Variants in ZP1 observed in about 807,000 individuals in gnomAD.
The protein encoded by ZP1 is zona pellucida glycoprotein 1.
A neutral mutation model predicts 67.4 loss-of-function variants in ZP1; 58 were observed. The ratio of observed to expected loss-of-function variants is 0.86; its 90% confidence interval spans 0.70 to 1.07. The LOEUF (loss-of-function observed/expected upper bound fraction) is 1.07. Ranked by LOEUF, ZP1 falls within the 50% of genes least tolerant of loss-of-function variation. ZP1 has a pLI of 0.00. For synonymous variants in ZP1, 333 were observed against 332.7 expected (o/e 1.00, Z -0.01); for missense variants, 759 against 807.3 (o/e 0.94, Z 0.72).
rs527386967 is a variant in ZP1, at chr11:60,868,471, C to A, written c.197-674C>A. ...TTAGAACTGGGGTTTGGATCTGCAG[C>A]TTCTAAACGGGATGATTTTGGACAA... On this transcript the variant is annotated intron_variant, in intron 1 of 11. Transcript: ENST00000278853. 2.6e-5 allele frequency among the ~76,000 whole-genome samples: 4 copies of A among 152,322 alleles called. No homozygotes were observed. In the South Asian group the frequency reaches 8.3e-4, roughly 32 times the overall value.
chr11:60,875,472 G>A, intron 11 of ZP1, 42 bp from the exon 12 acceptor site: 1 of 1,608,696 alleles, frequency 6.2e-7, no homozygotes, highest in Non-Finnish European at 8.5e-7. Context: ...GGGAGGGTTG[G>A]AGGGGCCTCA....
chr11:60,875,149 C>T lies in ZP1; in HGVS notation c.1675C>T (p.His559Tyr). 1 of 1,613,934 alleles carries T rather than the reference C, an allele frequency of 6.2e-7. No homozygotes were observed. Among genetic ancestry groups the T allele is most frequent in the Non-Finnish European group, 8.5e-7 (1 of 1,180,036 alleles). The change falls in exon 11 of 12, where the codon CAC becomes TAC. Residue 559 changes from histidine to tyrosine, a missense_variant. By Grantham distance (83) the His-to-Tyr change is moderately conservative (BLOSUM62 2). Transcript: ENST00000278853. The stretch of plus-strand genomic sequence containing the variant: ...GGCAGGACAGCGACGATCCTCAGGT[C>T]ACCGTAATGACACTGCCAGGCCCCA... The part of the protein sequence containing the change: ...GTTRQRRSSG[H>Y]RNDTARPQDI...
rs778548488 is a variant in ZP1 at position 60,870,917 on chromosome 11, G to A, written c.827-40G>A. The stretch of plus-strand genomic sequence containing the variant: ...CAGCCATCCCGTCTCTGTGCTGGAT[G>A]GACACCAAACCCCAAGGCCCTCATC... On this transcript the variant is annotated intron_variant, in intron 4 of 11. Coordinates refer to ENST00000278853, the MANE Select transcript of ZP1 (RefSeq NM_207341.4). The A allele has an allele frequency of 1.6e-5, 25 of 1,582,884 alleles. No homozygotes were observed. In the East Asian group the frequency reaches 5.2e-4, roughly 33 times the overall value.
At chr11:60,875,420 G>A in intron 11 of ZP1, 94 bp from the exon 12 acceptor site, 1 of 1,545,840 alleles carries the variant, frequency 6.5e-7, no homozygotes, top group Non-Finnish European at 8.7e-7. Context: ...CAGAAAGGCA[G>A]CTTCAGCTCT....
chr11:60,867,894 A>G, intron 1 of ZP1, 137 bp downstream of exon 1: 1 of 980,556 alleles, frequency 1.0e-6, no homozygotes, highest in East Asian at 2.7e-5. Context: ...CCACCCCCTC[A>G]CCACAGAAAA....
chr11:60,875,269 G>T (rs1402589896), intron 11 of ZP1, 21 bp downstream of exon 11: 4 of 1,600,398 alleles, frequency 2.5e-6, no homozygotes, highest in African/African-American at 1.3e-5. Flanking sequence ...TTCTGGGTGG[G>T]CCCCTCAGGC....
chr11:60,870,332 G>A lies in ZP1; in HGVS notation c.683G>A (p.Gly228Asp). The A allele has an allele frequency of 6.3e-7, 1 of 1,599,578 alleles. No homozygotes were observed. The highest frequency in any genetic ancestry group is 1.1e-5 in the South Asian group (1 of 88,516). The change falls in exon 4 of 12, where the codon GGT (glycine) becomes GAT (aspartate). Residue 228 changes from glycine (G) to aspartate (D), a missense_variant and splice_region_variant. Gly to Asp is a moderately conservative substitution (Grantham distance 94, BLOSUM62 -1). Transcript: ENST00000278853. Reference protein sequence around the residue: ...HWDVNKRDYIGTHLSQEQCQV... With the variant: ...HWDVNKRDYIDTHLSQEQCQV... ...CCTCATCACTCTGTCCCAACCCTAG[G>A]TACCCACCTGAGCCAGGAGCAGTGC... is the stretch of plus-strand genomic sequence containing the variant.
intron 10 of ZP1, 25 bp downstream of exon 10, chr11:60,875,039 T>G: frequency 6.2e-7 from 1 of 1,614,222 alleles, no homozygotes; most frequent in Non-Finnish European, 8.5e-7. Context: ...CGAGTGGTAT[T>G]TGTTCCTTTA....
intron 6 of ZP1, among the ~76,000 whole-genome samples, chr11:60,872,410 G>C (rs1004425403): frequency 6.6e-6 from 1 of 152,120 alleles, no homozygotes; most frequent in South Asian, 2.1e-4. Context: ...TCAGACACAA[G>C]GCCTTCAGAA....
chr11:60,875,030 G>A lies in ZP1; in HGVS notation c.1654+16G>A, dbSNP rs747211671. On this transcript the variant is annotated intron_variant, in intron 10 of 11. Transcript: ENST00000278853. ...GGCACTACAAGTGAGTCTGGGTTGC[G>A]AGTGGTATTTGTTCCTTTATACATC... 2.9e-5 allele frequency: 47 copies of A among 1,614,098 alleles called. No homozygotes were observed. Among genetic ancestry groups the A allele is most frequent in the Middle Eastern group, 1.6e-4 (1 of 6,084 alleles).
At chr11:60,869,434 A>T in intron 2 of ZP1, 103 bp from the exon 3 acceptor site, 1 of 1,507,346 alleles carries the variant, frequency 6.6e-7, no homozygotes, top group Non-Finnish European at 8.9e-7. Flanking sequence ...CCATGAATCC[A>T]GCTCCCTGCC....
At position 60,873,574 on chromosome 11, in the gene ZP1, C is replaced by T. The variant is rs1461093999; in HGVS notation, c.1430+10C>T. On this transcript the variant is annotated intron_variant, in intron 8 of 11. Coordinates refer to ENST00000278853, the MANE Select transcript of ZP1 (RefSeq NM_207341.4). ...CCATCCTGTCAGACGGGTGAGTGCC[C>T]CCACACTCCCCCCACCTGCTCTGCC... The T allele has an allele frequency of 4.3e-6, 7 of 1,613,304 alleles. No homozygotes were observed. Among genetic ancestry groups the T allele is most frequent in the Non-Finnish European group, 5.9e-6 (7 of 1,179,426 alleles).
intron 9 of ZP1, among the ~76,000 whole-genome samples, chr11:60,874,000 A>C (rs1855648047): frequency 6.6e-6 from 1 of 152,204 alleles, no homozygotes; most frequent in South Asian, 2.1e-4. Flanking sequence ...ATCAGCCCTA[A>C]ATCTGAACTC....
At chr11:60,870,283 G>A in intron 3 of ZP1, 49 bp from the exon 4 acceptor site, 1 of 1,452,320 alleles carries the variant, frequency 6.9e-7, no homozygotes, top group Non-Finnish European at 9.1e-7. Context: ...CCAGGGCCAT[G>A]ATTTGCAAAC....
chr11:60,871,918 G>T (rs147847878), intron 6 of ZP1, among the ~76,000 whole-genome samples: 1 of 152,340 alleles, frequency 6.6e-6, no homozygotes, highest in East Asian at 1.9e-4. Flanking sequence ...GTGACCAGGG[G>T]CAAAGCACCT....
chr11:60,870,079 G>A (rs893835724), intron 3 of ZP1, among the ~76,000 whole-genome samples, 179 bp downstream of exon 3: 1 of 152,142 alleles, frequency 6.6e-6, no homozygotes, highest in Admixed American at 6.5e-5. Context: ...ACATGTATAG[G>A]TGTACTAAAG....
rs765453848 is a variant in ZP1 at position 60,873,557 on chromosome 11, T to C, written c.1423T>C (p.Ser475Pro). The change falls in exon 8 of 12, where the codon TCA becomes CCA. Residue 475 changes from serine (S) to proline (P), a missense_variant. Transcript: ENST00000278853. The stretch of plus-strand genomic sequence containing the variant: ...CCAGCAGCCCCAGTGGCCCATCCTG[T>C]CAGACGGGTGAGTGCCCCCACACTC... ...PFQQPQWPILSDGCPFKGDSY... is the reference protein window; with the variant it reads ...PFQQPQWPILPDGCPFKGDSY... 3.7e-6 allele frequency: 6 copies of C among 1,613,012 alleles called. No homozygotes were observed. The highest frequency in any genetic ancestry group is 5.1e-6 in the Non-Finnish European group (6 of 1,179,208).
Position 60,873,277 on chromosome 11 carries a change from C to A in ZP1, c.1228C>A (p.Arg410=), listed in dbSNP as rs777987879. The part of the protein sequence containing the change: ...TQPGPLRLEL[R]IAKDETFSSY... ...GCCCGGCCCCCTGCGGCTTGAGCTGCGGATTGCCAAAGGTATGCTATGCTA... is the reference window on the plus strand; with the variant it reads ...GCCCGGCCCCCTGCGGCTTGAGCTGAGGATTGCCAAAGGTATGCTATGCTA... The change falls in exon 7 of 12, where the codon CGG becomes AGG. Residue 410 remains arginine (R), a synonymous_variant. Coordinates refer to ENST00000278853, the MANE Select transcript of ZP1 (RefSeq NM_207341.4). 1 of 1,583,714 alleles carries A rather than the reference C, an allele frequency of 6.3e-7. No individual in the cohort carries two copies. Among genetic ancestry groups the A allele is most frequent in the Non-Finnish European group, 8.6e-7 (1 of 1,162,066 alleles).
rs1228858563 is a variant in ZP1 at position 60,869,179 on chromosome 11, C to T, written c.231C>T (p.Cys77=). ...EFGNRFDVNN[C]SICYHWVTSR... ...GGAACCGATTTGATGTCAACAACTG[C>T]TCCATCTGCTACCACTGGGTCACCT... Residue 77 remains cysteine, a synonymous_variant, in exon 2 of 12, where the codon TGC becomes TGT. Transcript: ENST00000278853. The T allele has an allele frequency of 2.5e-6, 4 of 1,614,210 alleles. No individual in the cohort carries two copies. Among genetic ancestry groups the T allele is most frequent in the East Asian group, 2.2e-5 (1 of 44,874 alleles).
Sources: allele counts gnomAD v4.1 joint callset (sites outside exome capture counted in the v4.1 genomes callset), GRCh38; gene constraint gnomAD v4.1.1; transcripts MANE v1.5; gene names NCBI Gene and HGNC (gene_info 2026-07-23, HGNC 2026-07-21).